DCPS: variants seen among roughly 807,000 people sequenced by gnomAD.
DCPS encodes the protein m7GpppX diphosphatase.
A neutral mutation model predicts 34.7 loss-of-function variants in DCPS; 27 were observed. The observed-to-expected ratio is 0.78, with a 90% CI of 0.57 to 1.07. The LOEUF (loss-of-function observed/expected upper bound fraction) is 1.07, where lower values mean the gene tolerates loss of function less well. Among genes scored for constraint, DCPS ranks in the 50% least tolerant of loss-of-function variants. DCPS has a pLI of 0.00. For missense variants in DCPS, 464 were observed against 436.9 expected (o/e 1.06, Z -0.55); for synonymous variants, 185 against 185.7 (o/e 1.00, Z 0.03).
rs1487516024 is a variant in DCPS, at chr11:126,346,799, C to T, written c.*1186C>T. 6.6e-6 allele frequency among the ~76,000 whole-genome samples: 1 copy of T among 152,212 alleles called. No homozygotes were observed. The highest frequency in any genetic ancestry group is 1.5e-5 in the Non-Finnish European group (1 of 68,036). On this transcript the variant is annotated 3_prime_UTR_variant, in exon 6 of 6. Coordinates refer to ENST00000263579, the MANE Select transcript of DCPS (RefSeq NM_014026.6). This position sits in a 1 kb window ranked among gnomAD's most constrained non-coding sequence, Gnocchi z 4.1. Reference sequence around the variant, plus strand: ...CCTCATTCAGAGATTAGCCCCTTTACTGCAGGTGGTAGCCCAGGTGCAGCC... The same window carrying T: ...CCTCATTCAGAGATTAGCCCCTTTATTGCAGGTGGTAGCCCAGGTGCAGCC...
rs113867958 is a variant in DCPS at position 126,349,293 on chromosome 11, C to T, written c.*3680C>T. On this transcript the variant is annotated 3_prime_UTR_variant, in exon 6 of 6. Transcript: ENST00000263579. The surrounding 1 kb of genome is among the most constrained non-coding windows in gnomAD (Gnocchi z 5.4). ...GAACTGTGTGCCCTCAGAAGCATGC[C>T]ATGCCCCCGCTCTGCTGGAGCAGTG... Among the ~76,000 whole-genome samples the T allele has an allele frequency of 0.015, 2,214 of 152,336 alleles. 18 individuals are homozygous for T. Among genetic ancestry groups the T allele is most frequent in the Non-Finnish European group, 0.021 (1,442 of 68,038 alleles).
rs965990144 is a variant in DCPS at position 126,323,854 on chromosome 11, G to T, written c.377-7551G>T. ...TGTTTTTTTGTTTGTTTTTTGAGATGGTGTCTTGCTCTGTTGCCCAGACTA... is the reference window on the plus strand; with the variant it reads ...TGTTTTTTTGTTTGTTTTTTGAGATTGTGTCTTGCTCTGTTGCCCAGACTA... On this transcript the variant is annotated intron_variant, in intron 2 of 5. Transcript: ENST00000263579. This position sits in a 1 kb window ranked among gnomAD's most constrained non-coding sequence, Gnocchi z 4.4. Among the ~76,000 whole-genome samples, 5 of 151,806 alleles carry T rather than the reference G, an allele frequency of 3.3e-5. No individual in the cohort carries two copies. The highest frequency in any genetic ancestry group is 9.7e-5 in the African/African-American group (4 of 41,284).
chr11:126,307,235 AG>A (rs1222536317), intron 2 of DCPS, among the ~76,000 whole-genome samples: 1 of 148,566 alleles, frequency 6.7e-6, no homozygotes, highest in Non-Finnish European at 1.5e-5. Context: ...TGGGAGGCTG[AG>A]GTGGGAGACT....
chr11:126,339,330 C>G (rs1034627558), intron 4 of DCPS, among the ~76,000 whole-genome samples: 9 of 152,120 alleles, frequency 5.9e-5, no homozygotes, highest in African/African-American at 2.2e-4. Context: ...AGTTTCTGCA[C>G]CCGTCAAAGG....
At position 126,338,480 on chromosome 11, in the gene DCPS, C is replaced by T. The variant is rs996290170; in HGVS notation, c.636+81C>T. The T allele has an allele frequency of 5.6e-5, 72 of 1,294,466 alleles. No individual in the cohort carries two copies. In the African/African-American group the frequency reaches 6.2e-4, roughly 11 times the overall value. The allele number at this position is 1,294,466 out of a possible 1,614,324, so 80.2% of individuals were successfully genotyped here. On this transcript the variant is annotated intron_variant, in intron 4 of 5. Transcript: ENST00000263579. The surrounding 1 kb of genome is among the most constrained non-coding windows in gnomAD (Gnocchi z 5.4). ...GTCCTTCTGACTGCCCTCTTTCTCA[C>T]GCTGGCCTGTCTCTAAGCAGATTAT...
rs1249158424 is a variant in DCPS, at chr11:126,329,322, C to T, written c.377-2083C>T. Among the ~76,000 whole-genome samples the T allele has an allele frequency of 6.6e-6, 1 of 152,252 alleles. No homozygotes were observed. The highest frequency in any genetic ancestry group is 2.4e-5 in the African/African-American group (1 of 41,472). On this transcript the variant is annotated intron_variant, in intron 2 of 5. Coordinates refer to ENST00000263579, the MANE Select transcript of DCPS (RefSeq NM_014026.6). The surrounding 1 kb of genome is among the most constrained non-coding windows in gnomAD (Gnocchi z 5.0). The stretch of plus-strand genomic sequence containing the variant: ...GGATTGGGTGACATTTATTTAGCAA[C>T]TCGTGATCCAGCTGACACGTTTTAT...
chr11:126,331,427 C>T lies in DCPS; in HGVS notation c.399C>T (p.Tyr133=), dbSNP rs1244813213. The stretch of plus-strand genomic sequence containing the variant: ...CAGATGTAAAGACGACCGTGGTTTA[C>T]CCTGCCACAGAGAAACACCTGCAGA... ...QLNDVKTTVV[Y]PATEKHLQKY... is the part of the protein sequence containing the mutation. Residue 133 remains tyrosine (Y), a synonymous_variant, in exon 3 of 6, where the codon TAC becomes TAT. Transcript: ENST00000263579. This position sits in a 1 kb window ranked among gnomAD's most constrained non-coding sequence, Gnocchi z 7.2. 3.7e-6 allele frequency: 6 copies of T among 1,614,156 alleles called. No individual in the cohort carries two copies. The highest frequency in any genetic ancestry group is 5.1e-6 in the Non-Finnish European group (6 of 1,180,026).
chr11:126,317,400 C>CTTTTTTT (rs11292533), intron 2 of DCPS, among the ~76,000 whole-genome samples: 1 of 147,646 alleles, frequency 6.8e-6, no homozygotes, highest in African/African-American at 2.5e-5. Context: ...GCATTTTGCT[C>CTTTTTTT]TTTTTTTTTT....
rs1387358182 is a variant in DCPS, at chr11:126,346,396, A to C, written c.*783A>C. 6.6e-6 allele frequency among the ~76,000 whole-genome samples: 1 copy of C among 152,228 alleles called. No homozygotes were observed. The highest frequency in any genetic ancestry group is 1.9e-4 in the East Asian group (1 of 5,194). On this transcript the variant is annotated 3_prime_UTR_variant, in exon 6 of 6. Coordinates refer to ENST00000263579, the MANE Select transcript of DCPS (RefSeq NM_014026.6). This position sits in a 1 kb window ranked among gnomAD's most constrained non-coding sequence, Gnocchi z 4.1. Reference sequence around the variant, plus strand: ...TGATATGGTTGCAGTTGAATACAAAAGCCCGGAGGCGGCTCGGGTTCAAGG... The same window carrying C: ...TGATATGGTTGCAGTTGAATACAAACGCCCGGAGGCGGCTCGGGTTCAAGG...
At position 126,331,617 on chromosome 11, in the gene DCPS, CTATTGGGGTCA is replaced by C; in HGVS notation, c.522+72_522+82del. 2 of 1,574,776 alleles carry C rather than the reference CTATTGGGGTCA, an allele frequency of 1.3e-6. No individual in the cohort carries two copies. Among genetic ancestry groups the C allele is most frequent in the South Asian group, 2.3e-5 (2 of 86,846 alleles). On this transcript the variant is annotated intron_variant, in intron 3 of 5. Coordinates refer to ENST00000263579, the MANE Select transcript of DCPS (RefSeq NM_014026.6). This position sits in a 1 kb window ranked among gnomAD's most constrained non-coding sequence, Gnocchi z 7.2. ...GGCTGGTGCCTCCTCTTACGAGTGT[CTATTGGGGTCA>C]TATTAGGGGCCAGGCGCTGTGCTGG...
intron 2 of DCPS, among the ~76,000 whole-genome samples, chr11:126,330,009 A>C (rs678422): frequency 0.25 from 37,921 of 152,050 alleles, 4,771 homozygotes; most frequent in Admixed American, 0.26. Flanking sequence ...GTTAAAACAC[A>C]ATGTATACAT....
In DCPS at chr11:126,331,016, G is replaced by A. The variant is rs1483625134; in HGVS notation, c.377-389G>A. ...CTCCCAAAGTGCTGGGATTACAGGCGTCAGCCACTGCGCCCGGCCTTTAAG... is the reference window on the plus strand; with the variant it reads ...CTCCCAAAGTGCTGGGATTACAGGCATCAGCCACTGCGCCCGGCCTTTAAG... On this transcript the variant is annotated intron_variant, in intron 2 of 5. Transcript: ENST00000263579. This position sits in a 1 kb window ranked among gnomAD's most constrained non-coding sequence, Gnocchi z 7.2. Among the ~76,000 whole-genome samples the A allele has an allele frequency of 1.3e-5, 2 of 152,056 alleles. No homozygotes were observed. The highest frequency in any genetic ancestry group is 3.4e-3 in the Middle Eastern group (1 of 294).
rs984478107 is a variant in DCPS, at chr11:126,320,752, C to T, written c.377-10653C>T. On this transcript the variant is annotated intron_variant, in intron 2 of 5. Transcript: ENST00000263579. This position sits in a 1 kb window ranked among gnomAD's most constrained non-coding sequence, Gnocchi z 4.7. Reference sequence around the variant, plus strand: ...CAGGACATAGAGGCTGCACTCCAGCCTGGGAGACAGAGCCAGACCCTGTCT... The same window carrying T: ...CAGGACATAGAGGCTGCACTCCAGCTTGGGAGACAGAGCCAGACCCTGTCT... Among the ~76,000 whole-genome samples the T allele has an allele frequency of 6.6e-6, 1 of 152,104 alleles. No homozygotes were observed. The highest frequency in any genetic ancestry group is 2.4e-5 in the African/African-American group (1 of 41,424).
At position 126,315,361 on chromosome 11, in the gene DCPS, A is replaced by G. The variant is rs1226395850; in HGVS notation, c.376+8617A>G. ...GATCATTTGAGGTCAGGAGTTCGAG[A>G]CCAGCCTGGCCAACATGGTGAAACC... On this transcript the variant is annotated intron_variant, in intron 2 of 5. Coordinates refer to ENST00000263579, the MANE Select transcript of DCPS (RefSeq NM_014026.6). This position sits in a 1 kb window ranked among gnomAD's most constrained non-coding sequence, Gnocchi z 6.1. Among the ~76,000 whole-genome samples the G allele has an allele frequency of 6.6e-6, 1 of 152,162 alleles. No homozygotes were observed. Among genetic ancestry groups the G allele is most frequent in the East Asian group, 1.9e-4 (1 of 5,180 alleles).
intron 2 of DCPS, among the ~76,000 whole-genome samples, chr11:126,307,921 A>G (rs1411322222): frequency 6.6e-6 from 1 of 152,204 alleles, no homozygotes; most frequent in Non-Finnish European, 1.5e-5. Context: ...AAGGTTTTTC[A>G]GTAGACTGGG....
rs529289959 is a variant in DCPS at position 126,320,419 on chromosome 11, A to C, written c.377-10986A>C. On this transcript the variant is annotated intron_variant, in intron 2 of 5. Transcript: ENST00000263579. The surrounding 1 kb of genome is among the most constrained non-coding windows in gnomAD (Gnocchi z 4.7). The stretch of plus-strand genomic sequence containing the variant: ...GACAGGGACATGGGCTTCTAGTGCA[A>C]AGGGGACAGTTTGAATGCCCACCTA... 6.6e-6 allele frequency among the ~76,000 whole-genome samples: 1 copy of C among 152,304 alleles called. No homozygotes were observed. Among genetic ancestry groups the C allele is most frequent in the South Asian group, 2.1e-4 (1 of 4,830 alleles).
Position 126,320,795 on chromosome 11 carries a change from G to T in DCPS, c.377-10610G>T, listed in dbSNP as rs1260192260. ...CCCTGTCTCCAGAAAAAAAAGGAGA[G>T]GAGACAACAAAATTTCCAAACCTAG... On this transcript the variant is annotated intron_variant, in intron 2 of 5. Coordinates refer to ENST00000263579, the MANE Select transcript of DCPS (RefSeq NM_014026.6). This position sits in a 1 kb window ranked among gnomAD's most constrained non-coding sequence, Gnocchi z 4.7. Among the ~76,000 whole-genome samples, 10 of 152,060 alleles carry T rather than the reference G, an allele frequency of 6.6e-5. No homozygotes were observed. The highest frequency in any genetic ancestry group is 1.3e-4 in the Non-Finnish European group (9 of 68,024).
chr11:126,334,741 T>C lies in DCPS; in HGVS notation c.522+3191T>C, dbSNP rs1766913446. Among the ~76,000 whole-genome samples, 1 of 152,210 alleles carries C rather than the reference T, an allele frequency of 6.6e-6. No homozygotes were observed. Among genetic ancestry groups the C allele is most frequent in the African/African-American group, 2.4e-5 (1 of 41,466 alleles). On this transcript the variant is annotated intron_variant, in intron 3 of 5. Coordinates refer to ENST00000263579, the MANE Select transcript of DCPS (RefSeq NM_014026.6). This position sits in a 1 kb window ranked among gnomAD's most constrained non-coding sequence, Gnocchi z 5.5. The stretch of plus-strand genomic sequence containing the variant: ...TCTGTGCCCTAAGCCAGAGATACTA[T>C]TTGGCTCCTTAGATGTGAGGTACTT...
In DCPS at chr11:126,331,275, A is replaced by T. The variant is rs1227353123; in HGVS notation, c.377-130A>T. 34 of 1,384,142 alleles carry T rather than the reference A, an allele frequency of 2.5e-5. No homozygotes were observed. In the South Asian group the frequency reaches 3.3e-4, roughly 13 times the overall value. The allele number at this position is 1,384,142 out of a possible 1,614,324, so 85.7% of individuals were successfully genotyped here. A position where few individuals can be genotyped will look rare whatever the true frequency, so the allele number is the denominator to read the frequency against. ...CTCTGTGGGAGTGGATCTTGGGTGC[A>T]TGATCCTCTTGGATTTTGGCTTCCC... On this transcript the variant is annotated intron_variant, in intron 2 of 5. Coordinates refer to ENST00000263579, the MANE Select transcript of DCPS (RefSeq NM_014026.6). The surrounding 1 kb of genome is among the most constrained non-coding windows in gnomAD (Gnocchi z 7.2).
Sources: gnomAD v4.1 joint callset for allele counts (sites outside exome capture counted in the v4.1 genomes callset) on GRCh38, gnomAD v4.1.1 for gene constraint, Gnocchi (gnomAD v3.1) non-coding constraint, MANE v1.5 for transcripts, NCBI Gene and HGNC (gene_info 2026-07-23, HGNC 2026-07-21) for gene names.